FGD3: variants seen among roughly 807,000 people sequenced by gnomAD.
FGD3 encodes the protein FYVE, RhoGEF and PH domain-containing protein 3.
FGD3 carries 45 observed loss-of-function variants against 71.8 expected under a neutral mutation model. The ratio of observed to expected loss-of-function variants is 0.63; its 90% confidence interval spans 0.49 to 0.80. The LOEUF (loss-of-function observed/expected upper bound fraction) is 0.80. FGD3 is among the 30% of genes least tolerant of loss of function. FGD3 has a pLI of 0.00. For missense variants in FGD3, 844 were observed against 951.5 expected (o/e 0.89, Z 1.49); for synonymous variants, 378 against 392.8 (o/e 0.96, Z 0.44).
chr9:93,006,083 A>G lies in FGD3; in HGVS notation c.740A>G (p.Tyr247Cys), dbSNP rs761688555. ...AAGCTGGCCCCATTCCTGAAGATGT[A>G]CGGCGAGTATGTCAAGAACTTTGAC... is the stretch of plus-strand genomic sequence containing the variant. ...LQKLAPFLKM[Y>C]GEYVKNFDRA... is the part of the protein sequence containing the mutation. The change falls in exon 6 of 18, where the codon TAC (tyrosine) becomes TGC (cysteine). Residue 247 changes from tyrosine (Y) to cysteine (C), a missense_variant. By Grantham distance (194) the Tyr-to-Cys change is radical. Coordinates refer to ENST00000375482, the MANE Select transcript of FGD3 (RefSeq NM_001083536.2). 7 of 1,613,246 alleles carry G rather than the reference A, an allele frequency of 4.3e-6. No homozygotes were observed. In the East Asian group the frequency reaches 8.9e-5, roughly 21 times the overall value.
intron 3 of FGD3, among the ~76,000 whole-genome samples, chr9:92,998,156 CTTTG>C (rs1372205985): frequency 1.5e-4 from 23 of 152,178 alleles, no homozygotes; most frequent in African/African-American, 3.4e-4. Flanking sequence ...TTCTTGGAGG[CTTTG>C]TTTGTTTCTT....
intron 2 of FGD3, among the ~76,000 whole-genome samples, chr9:92,975,951 G>T (rs1444142084): frequency 6.6e-6 from 1 of 152,150 alleles, no homozygotes; most frequent in Non-Finnish European, 1.5e-5. Flanking sequence ...ACACCACAGG[G>T]TTAATTTTTT....
At chr9:92,952,899 A>G (rs1858982572) in intron 1 of FGD3, among the ~76,000 whole-genome samples, 2 of 152,054 alleles carry the variant, frequency 1.3e-5, no homozygotes, top group African/African-American at 4.8e-5. Flanking sequence ...AAACCTAAAT[A>G]AACATGTGTT....
chr9:93,003,849 A>G lies in FGD3; in HGVS notation c.544-152A>G, dbSNP rs1356550189. ...GAGGTTGTCTGAACCAGTTGGATGA[A>G]AAGGGAGGACAATAATTCTGAAATT... On this transcript the variant is annotated intron_variant, in intron 4 of 17. Transcript: ENST00000375482. This position sits in a 1 kb window ranked among gnomAD's most constrained non-coding sequence, Gnocchi z 4.1. 2.1e-6 allele frequency: 2 copies of G among 939,188 alleles called. No homozygotes were observed. Among genetic ancestry groups the G allele is most frequent in the Non-Finnish European group, 3.2e-6 (2 of 624,574 alleles). 58.2% of individuals were successfully genotyped at this position (939,188 alleles called of 1,614,324 possible).
chr9:93,022,193 G>A (rs1359013807), intron 13 of FGD3, 134 bp from the exon 14 acceptor site: 3 of 833,134 alleles, frequency 3.6e-6, no homozygotes, highest in African/African-American at 3.4e-5. Context: ...GCAAATCCTA[G>A]GCCTGGGAAA....
intron 3 of FGD3, among the ~76,000 whole-genome samples, chr9:92,997,540 C>T (rs1326527805): frequency 1.3e-5 from 2 of 152,118 alleles, no homozygotes; most frequent in African/African-American, 2.4e-5. Context: ...TTATTTTGCT[C>T]GTTAGTTGAT....
chr9:93,019,727 C>A (rs1587862986), intron 11 of FGD3, 104 bp from the exon 12 acceptor site: 1 of 1,109,944 alleles, frequency 9.0e-7, no homozygotes, highest in Non-Finnish European at 1.4e-6. Context: ...GCTGCGTTGA[C>A]AAGCCAGTGC....
chr9:92,981,183 A>G (rs1438819771), intron 3 of FGD3, among the ~76,000 whole-genome samples: 1 of 150,934 alleles, frequency 6.6e-6, no homozygotes, highest in Admixed American at 6.6e-5. Context: ...CCTGGCTAAC[A>G]TGGTGAAAAC....
In FGD3 at chr9:92,976,583, A is replaced by G. The variant is rs773812775; in HGVS notation, c.327A>G (p.Ala109=). Residue 109 remains alanine, a synonymous_variant, in exon 3 of 18, where the codon GCA becomes GCG. Transcript: ENST00000375482. ...GPSPTVLGAH[A]EMALDSQVPK... Reference sequence around the variant, plus strand: ...GCCCCACTGTACTGGGGGCGCACGCAGAGATGGCCCTGGACAGCCAGGTCC... The same window carrying G: ...GCCCCACTGTACTGGGGGCGCACGCGGAGATGGCCCTGGACAGCCAGGTCC... 1.9e-6 allele frequency: 3 copies of G among 1,612,738 alleles called. No homozygotes were observed. The East Asian group carries it at 6.7e-5, about 36-fold the overall frequency.
rs527500259 is a variant in FGD3, at chr9:93,009,330, T to C, written c.838-916T>C. On this transcript the variant is annotated intron_variant, in intron 6 of 17. Transcript: ENST00000375482. ...GTGAATATCTTGACAGAAACAGTTGTTTTTATGAAGATTGTCGACTTGGGT... is the reference window on the plus strand; with the variant it reads ...GTGAATATCTTGACAGAAACAGTTGCTTTTATGAAGATTGTCGACTTGGGT... Among the ~76,000 whole-genome samples the C allele has an allele frequency of 5.3e-5, 8 of 152,316 alleles. No homozygotes were observed. The South Asian group carries it at 1.7e-3, about 32-fold the overall frequency.
chr9:92,973,771 C>T (rs912475871), intron 1 of FGD3, among the ~76,000 whole-genome samples: 88 of 152,336 alleles, frequency 5.8e-4, no homozygotes, highest in Non-Finnish European at 1.1e-3. Flanking sequence ...TGTGCTCTCC[C>T]CACCGCACAC....
intron 8 of FGD3, among the ~76,000 whole-genome samples, chr9:93,012,852 G>C (rs1422851537): frequency 6.6e-6 from 1 of 152,022 alleles, no homozygotes; most frequent in Non-Finnish European, 1.5e-5. Flanking sequence ...CCTGGGACAT[G>C]ACAGGTGCAC....
At chr9:93,016,991 A>G (rs985933080) in intron 10 of FGD3, among the ~76,000 whole-genome samples, 2 of 152,230 alleles carry the variant, frequency 1.3e-5, no homozygotes, top group Non-Finnish European at 2.9e-5. Flanking sequence ...CTGGGCACGT[A>G]GTTTCGCTGG....
chr9:92,987,292 TGTG>T (rs1297856593), intron 3 of FGD3, among the ~76,000 whole-genome samples: 1 of 150,922 alleles, frequency 6.6e-6, no homozygotes, highest in Non-Finnish European at 1.5e-5. Context: ...AATAGCTAAG[TGTG>T]GTGGTGGGTG....
intron 3 of FGD3, among the ~76,000 whole-genome samples, chr9:92,997,064 T>G (rs1860675692): frequency 1.3e-5 from 2 of 152,204 alleles, no homozygotes; most frequent in African/African-American, 4.8e-5. Context: ...TGTCTAATGT[T>G]GACAGTGGGG....
chr9:93,011,379 A>G, intron 8 of FGD3, 107 bp downstream of exon 8: 1 of 1,371,786 alleles, frequency 7.3e-7, no homozygotes, highest in South Asian at 1.2e-5. Context: ...GGGGCTCCAC[A>G]AGTGACTCTT....
Position 92,996,813 on chromosome 9 carries a change from C to G in FGD3, c.454-6112C>G, listed in dbSNP as rs1445942353. 2.0e-5 allele frequency among the ~76,000 whole-genome samples: 3 copies of G among 152,166 alleles called. No individual in the cohort carries two copies. The South Asian group carries it at 6.2e-4, about 32-fold the overall frequency. On this transcript the variant is annotated intron_variant, in intron 3 of 17. Transcript: ENST00000375482. ...TGAGTGAGTTTCTTAATCCTGAGTT[C>G]TAGTTTGATTGCACTGTGGTCTGAG...
chr9:93,032,304 C>T (rs973274463), intron 15 of FGD3: 1 of 171,936 alleles, frequency 5.8e-6, no homozygotes, highest in African/African-American at 2.4e-5. Flanking sequence ...TACCAGTTTA[C>T]TTCCCACCAA....
intron 1 of FGD3, among the ~76,000 whole-genome samples, chr9:92,963,345 G>T (rs1015553337): frequency 4.6e-5 from 7 of 152,084 alleles, no homozygotes; most frequent in African/African-American, 1.7e-4. Context: ...TGTCCCCCAG[G>T]CTGGAGTGCA....
Sources: allele counts gnomAD v4.1 joint callset (sites outside exome capture counted in the v4.1 genomes callset), GRCh38; gene constraint gnomAD v4.1.1; non-coding constraint Gnocchi (gnomAD v3.1); transcripts MANE v1.5; gene names NCBI Gene and HGNC (gene_info 2026-07-23, HGNC 2026-07-21).